MARCHF1: variants seen among roughly 807,000 people sequenced by gnomAD.
MARCHF1 encodes the protein E3 ubiquitin-protein ligase MARCHF1.
Under a neutral mutation model 54.2 loss-of-function variants are expected in MARCHF1, and 40 were observed. The observed-to-expected ratio is 0.74, with a 90% confidence interval of 0.57 to 0.96. The LOEUF is 0.96. MARCHF1 is among the 40% of genes least tolerant of loss of function. The probability of loss-of-function intolerance (pLI) is 0.00; values close to 1 mark genes in which losing one functional copy is unlikely to be tolerated. For synonymous variants in MARCHF1, 236 were observed against 236.3 expected (o/e 1.00, Z 0.01); for missense variants, 586 against 656.5 (o/e 0.89, Z 1.17).
intron 8 of MARCHF1, among the ~76,000 whole-genome samples, chr4:163,551,653 A>G (rs561385066): frequency 5.2e-4 from 79 of 152,330 alleles, no homozygotes; most frequent in African/African-American, 1.8e-3. Flanking sequence ...CCCCACCTAA[A>G]TCTCATGTTG....
At chr4:164,118,854 A>G (rs937913650) in intron 1 of MARCHF1, among the ~76,000 whole-genome samples, 1 of 151,748 alleles carries the variant, frequency 6.6e-6, no homozygotes, top group Non-Finnish European at 1.5e-5. Flanking sequence ...AAGTCACAAT[A>G]AAGATATAAG....
At chr4:163,656,097 A>G (rs530813021) in intron 5 of MARCHF1, among the ~76,000 whole-genome samples, 1 of 150,084 alleles carries the variant, frequency 6.7e-6, no homozygotes, top group African/African-American at 2.5e-5. Flanking sequence ...AAAACCTTTC[A>G]AAAAACCAAT....
intron 3 of MARCHF1, among the ~76,000 whole-genome samples, chr4:163,968,097 T>C (rs1282617161): frequency 6.6e-6 from 1 of 152,194 alleles, no homozygotes; most frequent in Non-Finnish European, 1.5e-5. Context: ...CAATCTTTTA[T>C]CCAGTAACAA....
intron 1 of MARCHF1, among the ~76,000 whole-genome samples, chr4:164,238,317 G>GA (rs1264161800): frequency 6.6e-6 from 1 of 151,948 alleles, no homozygotes; most frequent in Non-Finnish European, 1.5e-5. Flanking sequence ...AGTCTACAGA[G>GA]AAAAAACAAT....
chr4:163,751,886 G>A (rs1212649290), intron 4 of MARCHF1, among the ~76,000 whole-genome samples: 1 of 151,226 alleles, frequency 6.6e-6, no homozygotes, highest in African/African-American at 2.4e-5. Flanking sequence ...AGACAAAGAA[G>A]AGTCAAGGCC....
chr4:164,132,785 T>C (rs2110824069), intron 1 of MARCHF1, among the ~76,000 whole-genome samples: 1 of 152,272 alleles, frequency 6.6e-6, no homozygotes, highest in East Asian at 1.9e-4. Context: ...TTTTCTTCTT[T>C]CTCATTTTCA....
At chr4:163,552,938 C>T (rs191204738) in intron 8 of MARCHF1, among the ~76,000 whole-genome samples, 2,406 of 150,498 alleles carry the variant, frequency 0.016, 38 homozygotes, top group East Asian at 0.067. Flanking sequence ...GAGGCTGAGG[C>T]AGGAGAATGG....
At chr4:163,620,596 CACACACACACAGAGAG>C (rs955731620) in intron 5 of MARCHF1, among the ~76,000 whole-genome samples, 2 of 89,068 alleles carry the variant, frequency 2.2e-5, no homozygotes, top group Admixed American at 1.4e-4. Flanking sequence ...CACACACACA[CACACACACACAGAGAG>C]AGAGAGAGAG....
chr4:163,640,666 CA>C (rs2111031831), intron 5 of MARCHF1, among the ~76,000 whole-genome samples: 1 of 152,242 alleles, frequency 6.6e-6, no homozygotes, highest in South Asian at 2.1e-4. Flanking sequence ...GCATATTTAG[CA>C]GCCTGATCTG....
chr4:164,006,099 C>A (rs1753281090), intron 2 of MARCHF1, among the ~76,000 whole-genome samples: 1 of 151,612 alleles, frequency 6.6e-6, no homozygotes, highest in South Asian at 2.1e-4. Context: ...AGAACCATGA[C>A]CTCAACAAAA....
chr4:164,060,255 TG>T (rs1754586640), intron 2 of MARCHF1, among the ~76,000 whole-genome samples: 1 of 152,082 alleles, frequency 6.6e-6, no homozygotes, highest in Non-Finnish European at 1.5e-5. Context: ...AGCTGAAGAC[TG>T]GCATTTTAAA....
At chr4:164,240,450 T>C (rs552808872) in intron 1 of MARCHF1, among the ~76,000 whole-genome samples, 1 of 152,198 alleles carries the variant, frequency 6.6e-6, no homozygotes, top group Admixed American at 6.5e-5. Flanking sequence ...TCTTGCTTTA[T>C]GTCTGCATCA....
At position 163,680,342 on chromosome 4, in the gene MARCHF1, C is replaced by A. The variant is rs527320168; in HGVS notation, c.162+20471G>T. Among the ~76,000 whole-genome samples, 7 of 152,312 alleles carry A rather than the reference C, an allele frequency of 4.6e-5. No homozygotes were observed. The East Asian group carries it at 1.2e-3, about 25-fold the overall frequency. On this transcript the variant is annotated intron_variant, in intron 5 of 9. Coordinates refer to ENST00000514618, the MANE Select transcript of MARCHF1 (RefSeq NM_001394959.1). ...GAAAGCCTTTTGAGATACCACAGTC[C>A]AATTTGGATCCCTCTTGTTTGTGAC...
intron 2 of MARCHF1, among the ~76,000 whole-genome samples, chr4:164,073,837 C>T (rs1754919451): frequency 1.3e-5 from 2 of 151,922 alleles, no homozygotes; most frequent in African/African-American, 4.8e-5. Context: ...GACAGTCTCG[C>T]TCTGTCGCCA....
chr4:163,634,411 G>T, intron 5 of MARCHF1, among the ~76,000 whole-genome samples: 1 of 146,812 alleles, frequency 6.8e-6, no homozygotes, highest in Non-Finnish European at 1.5e-5. Flanking sequence ...GATCTACCAA[G>T]CAAATGGAAA....
At chr4:163,873,104 G>C (rs1156351952) in intron 3 of MARCHF1, among the ~76,000 whole-genome samples, 2 of 151,898 alleles carry the variant, frequency 1.3e-5, no homozygotes, top group African/African-American at 4.8e-5. Flanking sequence ...AAATGATGAA[G>C]TCATAGTTTT....
chr4:164,220,584 G>GT lies in MARCHF1; in HGVS notation c.-322-108923_-322-108922insA, dbSNP rs1339633816. Among the ~76,000 whole-genome samples the GT allele has an allele frequency of 9.6e-3, 1,144 of 118,926 alleles. 8 individuals carry two copies. Among genetic ancestry groups the GT allele is most frequent in the African/African-American group, 0.035 (1,091 of 31,274 alleles). 78.0% of individuals were successfully genotyped at this position (118,926 alleles called of 152,430 possible). A position where few individuals can be genotyped will look rare whatever the true frequency, so the allele number is the denominator to read the frequency against. On this transcript the variant is annotated intron_variant, in intron 1 of 9. Coordinates refer to ENST00000514618, the MANE Select transcript of MARCHF1 (RefSeq NM_001394959.1). ...ATATATCTATATATGTAATACATAT[G>GT]ATATATGTATATATGTAATATATAT...
chr4:163,770,967 A>T (rs1409151600), intron 4 of MARCHF1, among the ~76,000 whole-genome samples: 1 of 152,234 alleles, frequency 6.6e-6, no homozygotes, highest in Non-Finnish European at 1.5e-5. Context: ...TTTCACTTAA[A>T]TAAGACAGGC....
At chr4:164,342,306 A>G (rs1419811286) in intron 1 of MARCHF1, among the ~76,000 whole-genome samples, 1 of 152,132 alleles carries the variant, frequency 6.6e-6, no homozygotes, top group Non-Finnish European at 1.5e-5. Flanking sequence ...GTCAAAAGAT[A>G]ACAAGCATGG....
Sources: allele counts gnomAD v4.1 joint callset (sites outside exome capture counted in the v4.1 genomes callset), GRCh38; gene constraint gnomAD v4.1.1; transcripts MANE v1.5; gene names NCBI Gene and HGNC (gene_info 2026-07-23, HGNC 2026-07-21).